SEC22A: variants seen among roughly 807,000 people sequenced by gnomAD.
SEC22A encodes the protein SEC22 homolog A, vesicle trafficking protein, also known as vesicle-trafficking protein SEC22a.
In SEC22A, 22 loss-of-function variants were observed where a neutral mutation model predicts 35.3. The ratio of observed to expected loss-of-function variants is 0.62; its 90% CI spans 0.45 to 0.89. The LOEUF is 0.89. Ranked by LOEUF, SEC22A falls within the 40% of genes least tolerant of loss-of-function variation. The pLI is 0.00. For synonymous variants in SEC22A, 119 were observed against 129.5 expected (o/e 0.92, Z 0.55); for missense variants, 354 against 362.5 (o/e 0.98, Z 0.19).
At chr3:123,220,894 ATATG>A (rs200536838) in intron 2 of SEC22A, among the ~76,000 whole-genome samples, 1,831 of 145,262 alleles carry the variant, frequency 0.013, 63 homozygotes, top group African/African-American at 0.043. Flanking sequence ...ATATATATAT[ATATG>A]TCACATGTAT....
chr3:123,237,295 CTATT>C (rs1278480207), intron 4 of SEC22A, among the ~76,000 whole-genome samples: 4 of 152,036 alleles, frequency 2.6e-5, no homozygotes, highest in Non-Finnish European at 4.4e-5. Flanking sequence ...CTGATTTTCT[CTATT>C]TATTAGGATA....
intron 2 of SEC22A, among the ~76,000 whole-genome samples, chr3:123,214,102 A>G (rs1936984386): frequency 6.6e-6 from 1 of 152,180 alleles, no homozygotes; most frequent in African/African-American, 2.4e-5. Flanking sequence ...GGCTGAGGCA[A>G]GAGAATCACT....
rs551497883 is a variant in SEC22A, at chr3:123,239,675, G to C, written c.542-6224G>C. Among the ~76,000 whole-genome samples, 7 of 152,074 alleles carry C rather than the reference G, an allele frequency of 4.6e-5. No individual in the cohort carries two copies. In the South Asian group the frequency reaches 1.5e-3, roughly 32 times the overall value. ...CCTTCGCCCACTTTTTGATGGGGTT[G>C]TTTGTTTTTTTCTTGTAAATTTGGT... is the stretch of plus-strand genomic sequence containing the variant. On this transcript the variant is annotated intron_variant, in intron 4 of 6. Coordinates refer to ENST00000492595, the MANE Select transcript of SEC22A (RefSeq NM_012430.5).
Position 123,271,677 on chromosome 3 carries a change from C to G in SEC22A, c.879C>G (p.Ile293Met), listed in dbSNP as rs1938167010. The G allele has an allele frequency of 6.2e-7, 1 of 1,614,068 alleles. No individual in the cohort carries two copies. Among genetic ancestry groups the G allele is most frequent in the Admixed American group, 1.7e-5 (1 of 59,996 alleles). Reference sequence around the variant, plus strand: ...TGGGAGCATTTGTTACACTACAGATCTGGCTAAGGCAAGCCCAGGGCAAGG... The same window carrying G: ...TGGGAGCATTTGTTACACTACAGATGTGGCTAAGGCAAGCCCAGGGCAAGG... ...VTVGAFVTLQ[I>M]WLRQAQGKAP... The change falls in exon 7 of 7, where the codon ATC becomes ATG. Residue 293 changes from isoleucine to methionine, a missense_variant. Ile to Met is a conservative substitution (Grantham distance 10). Coordinates refer to ENST00000492595, the MANE Select transcript of SEC22A (RefSeq NM_012430.5).
chr3:123,269,449 C>T (rs1938108608), intron 6 of SEC22A, among the ~76,000 whole-genome samples: 1 of 151,722 alleles, frequency 6.6e-6, no homozygotes, highest in South Asian at 2.1e-4. Flanking sequence ...ATAGATACCA[C>T]CTTATTAAGT....
intron 5 of SEC22A, among the ~76,000 whole-genome samples, chr3:123,250,540 C>T (rs1427571336): frequency 6.6e-6 from 1 of 152,214 alleles, no homozygotes; most frequent in Admixed American, 6.5e-5. Context: ...TTGTGCCCAG[C>T]CCACTCTTAG....
intron 1 of SEC22A, among the ~76,000 whole-genome samples, chr3:123,207,384 T>C (rs746068996): frequency 4.6e-5 from 7 of 152,062 alleles, no homozygotes; most frequent in Non-Finnish European, 8.8e-5. Context: ...TTGACCTAGA[T>C]TAAGTGGGCA....
In SEC22A at chr3:123,225,281, T is replaced by C. The variant is rs1411694487; in HGVS notation, c.525T>C (p.Ala175=). 3 of 1,605,702 alleles carry C rather than the reference T, an allele frequency of 1.9e-6. No homozygotes were observed. The highest frequency in any genetic ancestry group is 2.6e-6 in the Non-Finnish European group (3 of 1,175,002). The change falls in exon 4 of 7, where the codon GCT becomes GCC. Residue 175 remains alanine, a synonymous_variant. Coordinates refer to ENST00000492595, the MANE Select transcript of SEC22A (RefSeq NM_012430.5). ...CATTTTCTGTTGACTGTAAAGGTGC[T>C]GGTAAGATTTCTTCTGGTGAGTTCT... The part of the protein sequence containing the change: ...TSAFSVDCKG[A]GKISSAHQRL...
intron 6 of SEC22A, among the ~76,000 whole-genome samples, chr3:123,267,609 GAGGAAA>G (rs758377505): frequency 1.4e-4 from 22 of 152,006 alleles, no homozygotes; most frequent in Non-Finnish European, 2.6e-4. Flanking sequence ...GAAAACTCAA[GAGGAAA>G]AGGAAAGCCT....
chr3:123,233,654 CAAA>C (rs34046685), intron 4 of SEC22A, among the ~76,000 whole-genome samples: 2 of 149,736 alleles, frequency 1.3e-5, no homozygotes, highest in African/African-American at 4.9e-5. Context: ...AACAAACAAA[CAAA>C]AAAAAACACT....
intron 2 of SEC22A, among the ~76,000 whole-genome samples, chr3:123,212,320 A>G (rs1190479399): frequency 6.6e-6 from 1 of 152,166 alleles, no homozygotes; most frequent in East Asian, 1.9e-4. Context: ...TGATTAAAAT[A>G]TATGTAAAAT....
chr3:123,225,356 C>G, intron 4 of SEC22A, 59 bp downstream of exon 4: 1 of 1,051,280 alleles, frequency 9.5e-7, no homozygotes, highest in Non-Finnish European at 1.4e-6. Context: ...AACTGAGAAA[C>G]TCTTGAAAAT....
chr3:123,225,251 A>T lies in SEC22A; in HGVS notation c.495A>T (p.Thr165=), dbSNP rs746895719. 6.2e-7 allele frequency: 1 copy of T among 1,613,570 alleles called. No individual in the cohort carries two copies. The highest frequency in any genetic ancestry group is 1.1e-5 in the South Asian group (1 of 90,998). The change falls in exon 4 of 7, where the codon ACA becomes ACT. Residue 165 remains threonine, a synonymous_variant. Coordinates refer to ENST00000492595, the MANE Select transcript of SEC22A (RefSeq NM_012430.5). ...MCELGSANGV[T]SAFSVDCKGA... ...AACTGGGGTCAGCCAATGGAGTCAC[A>T]TCAGCATTTTCTGTTGACTGTAAAG...
intron 5 of SEC22A, among the ~76,000 whole-genome samples, chr3:123,247,060 GGA>G (rs1937572964): frequency 6.6e-6 from 1 of 152,118 alleles, no homozygotes; most frequent in Admixed American, 6.5e-5. Context: ...TTTATGCACA[GGA>G]CAGCTGGCTG....
intron 6 of SEC22A, among the ~76,000 whole-genome samples, chr3:123,260,169 ACT>A (rs1367230178): frequency 7.8e-5 from 9 of 114,832 alleles, no homozygotes; most frequent in South Asian, 2.8e-4. Flanking sequence ...AAAAAAAAAA[ACT>A]ACTAGATTTT....
chr3:123,238,901 C>A (rs1937475884), intron 4 of SEC22A, among the ~76,000 whole-genome samples: 1 of 152,112 alleles, frequency 6.6e-6, no homozygotes, highest in East Asian at 1.9e-4. Flanking sequence ...TGGAAATTTT[C>A]AAAGTAAACA....
At chr3:123,226,411 CGTT>C (rs915649868) in intron 4 of SEC22A, among the ~76,000 whole-genome samples, 1 of 152,148 alleles carries the variant, frequency 6.6e-6, no homozygotes, top group Admixed American at 6.5e-5. Flanking sequence ...AATGATGTCT[CGTT>C]GTAGTTTTGT....
At chr3:123,240,114 G>T (rs1347718094) in intron 4 of SEC22A, among the ~76,000 whole-genome samples, 1 of 152,030 alleles carries the variant, frequency 6.6e-6, no homozygotes, top group African/African-American at 2.4e-5. Context: ...TATGAAAGGT[G>T]GACTCAGACA....
chr3:123,258,801 C>T (rs543587244), intron 5 of SEC22A, among the ~76,000 whole-genome samples: 1 of 151,776 alleles, frequency 6.6e-6, no homozygotes, highest in Non-Finnish European at 1.5e-5. Flanking sequence ...TGCTCCTGCC[C>T]GAACTTTATC....
Sources: gnomAD v4.1 joint callset for allele counts (sites outside exome capture counted in the v4.1 genomes callset) on GRCh38, gnomAD v4.1.1 for gene constraint, MANE v1.5 for transcripts, NCBI Gene and HGNC (gene_info 2026-07-23, HGNC 2026-07-21) for gene names.